TENM4: variants seen among roughly 807,000 people sequenced by gnomAD.
TENM4 encodes teneurin-4.
A neutral mutation model predicts 243.3 loss-of-function variants in TENM4; 82 were observed. The ratio of observed to expected loss-of-function variants is 0.34; its 90% CI spans 0.28 to 0.40. The LOEUF (loss-of-function observed/expected upper bound fraction) is 0.40, where lower values mean the gene tolerates loss of function less well. Among genes scored for constraint, TENM4 ranks in the 10% least tolerant of loss-of-function variants. TENM4 has a pLI of 1.00. For missense variants in TENM4, 3,138 were observed against 3,673.3 expected, an observed-to-expected ratio of 0.85 and a Z score of 3.77; for synonymous variants, 1,412 against 1,456.3, an observed-to-expected ratio of 0.97 and a Z score of 0.69.
chr11:79,192,081 G>A (rs1487750269), intron 3 of TENM4, among the ~76,000 whole-genome samples: 8 of 146,938 alleles, frequency 5.4e-5, no homozygotes, highest in African/African-American at 1.8e-4. Context: ...CGTCCCGTCC[G>A]GGAGGGAGGT....
At chr11:78,829,648 C>T (rs940952700) in intron 12 of TENM4, among the ~76,000 whole-genome samples, 9 of 152,190 alleles carry the variant, frequency 5.9e-5, no homozygotes, top group African/African-American at 1.9e-4. Flanking sequence ...TTGCTATCTC[C>T]TTTGTGACTT....
rs1383257541 is a variant in TENM4, at chr11:78,702,033, T to C, written c.4580A>G (p.Asp1527Gly). The part of the protein sequence containing the change: ...NDANCDCFSG[D>G]DGYAKDAKLN... ...CTTTGCATCCTTGGCATAACCATCG[T>C]CTCCAGAAAAACAATCACAGTTGGC... Residue 1527 changes from aspartate to glycine, a missense_variant, in exon 28 of 34, where the codon GAC (aspartate) becomes GGC (glycine). By Grantham distance (94) the Asp-to-Gly change is moderately conservative. This residue lies in a region of TENM4 where 2,467 missense variants were observed against 3,059.1 expected (regional missense o/e 0.81). Transcript: ENST00000278550. 3.1e-6 allele frequency: 5 copies of C among 1,613,626 alleles called. No individual in the cohort carries two copies. The highest frequency in any genetic ancestry group is 4.2e-6 in the Non-Finnish European group (5 of 1,179,760).
intron 2 of TENM4, among the ~76,000 whole-genome samples, chr11:79,255,764 T>C (rs937313089): frequency 6.6e-6 from 1 of 152,250 alleles, no homozygotes; most frequent in Non-Finnish European, 1.5e-5. Context: ...CTTTTGTCCC[T>C]AACACAATCT....
At chr11:79,224,945 C>G (rs1333979270) in intron 2 of TENM4, among the ~76,000 whole-genome samples, 2 of 150,878 alleles carry the variant, frequency 1.3e-5, no homozygotes, top group African/African-American at 2.4e-5. Flanking sequence ...GAGCCAGACT[C>G]TGTCTAAAAA....
intron 3 of TENM4, among the ~76,000 whole-genome samples, chr11:79,199,826 G>A (rs544660090): frequency 6.6e-6 from 1 of 152,306 alleles, no homozygotes; most frequent in East Asian, 1.9e-4. Flanking sequence ...CTGTGGTTGG[G>A]AGACATTCAA....
intron 6 of TENM4, among the ~76,000 whole-genome samples, chr11:78,915,120 GTTAA>G (rs1856285651): frequency 1.3e-5 from 2 of 152,320 alleles, no homozygotes; most frequent in Admixed American, 6.5e-5. Flanking sequence ...AGGTTAACAG[GTTAA>G]TTAGACACCA....
intron 12 of TENM4, among the ~76,000 whole-genome samples, chr11:78,851,359 G>A (rs1266461618): frequency 6.6e-6 from 1 of 152,140 alleles, no homozygotes; most frequent in African/African-American, 2.4e-5. Flanking sequence ...AGAACCAAAG[G>A]GAAAAGAAGA....
intron 4 of TENM4, among the ~76,000 whole-genome samples, chr11:79,117,964 G>T (rs10751303): frequency 6.6e-6 from 1 of 152,014 alleles, no homozygotes; most frequent in South Asian, 2.1e-4. Flanking sequence ...TTATGAAAAG[G>T]CTTGGCAAAT....
rs1859421525 is a variant in TENM4, at chr11:78,712,495, G to A, written c.4041C>T (p.Leu1347=). The change falls in exon 26 of 34, where the codon CTC becomes CTT. Residue 1347 remains leucine, a synonymous_variant. Coordinates refer to ENST00000278550, the MANE Select transcript of TENM4 (RefSeq NM_001098816.3). ...GDGGKATEAT[L]TNPRGITVDK... ...GCAAGGCCTTACCCCTGGGATTGGT[G>A]AGTGTGGCTTCTGTGGCCTTCCCAC... 5 of 1,613,826 alleles carry A rather than the reference G, an allele frequency of 3.1e-6. No homozygotes were observed. Among genetic ancestry groups the A allele is most frequent in the Non-Finnish European group, 4.2e-6 (5 of 1,179,832 alleles).
chr11:79,385,659 C>T (rs1039291115), intron 1 of TENM4, among the ~76,000 whole-genome samples: 5 of 152,138 alleles, frequency 3.3e-5, no homozygotes, highest in Non-Finnish European at 5.9e-5. Flanking sequence ...ATTTGCTTTA[C>T]TTTACAGCTA....
chr11:79,432,062 G>A (rs1859179799), intron 1 of TENM4, among the ~76,000 whole-genome samples: 1 of 152,180 alleles, frequency 6.6e-6, no homozygotes, highest in Non-Finnish European at 1.5e-5. Context: ...TAAATGATTA[G>A]TTTTGTTTCA....
rs746631389 is a variant in TENM4 at position 79,414,180 on chromosome 11, ACACG to A, written c.-321+26325_-321+26328del. On this transcript the variant is annotated intron_variant, in intron 1 of 33. Coordinates refer to ENST00000278550, the MANE Select transcript of TENM4 (RefSeq NM_001098816.3). ...TGTACACACACACACACACACACAC[ACACG>A]CACACAAACATGCACATGCACGCAC... Among the ~76,000 whole-genome samples, 42 of 142,516 alleles carry A rather than the reference ACACG, an allele frequency of 2.9e-4. 1 individual carries two copies. In the South Asian group the frequency reaches 7.8e-3, roughly 26 times the overall value. 93.5% of individuals were successfully genotyped at this position (142,516 alleles called of 152,430 possible).
chr11:79,333,470 T>G (rs1025966563), intron 1 of TENM4, among the ~76,000 whole-genome samples: 1 of 152,208 alleles, frequency 6.6e-6, no homozygotes, highest in African/African-American at 2.4e-5. Context: ...ACATCCCTAT[T>G]ACCCAGAATG....
chr11:78,887,873 G>T (rs945249488), intron 9 of TENM4, among the ~76,000 whole-genome samples: 6 of 152,198 alleles, frequency 3.9e-5, no homozygotes, highest in African/African-American at 1.4e-4. Context: ...AGACTTCAAC[G>T]CAAAACAAAT....
intron 4 of TENM4, among the ~76,000 whole-genome samples, chr11:79,089,516 A>G (rs67427445): frequency 0.25 from 37,518 of 152,130 alleles, 4,930 homozygotes; most frequent in East Asian, 0.43. Flanking sequence ...GGAAGTGCCC[A>G]GTCCTTACCT....
intron 6 of TENM4, among the ~76,000 whole-genome samples, chr11:78,933,354 G>C (rs1856713251): frequency 6.6e-6 from 1 of 152,214 alleles, no homozygotes; most frequent in Non-Finnish European, 1.5e-5. Flanking sequence ...CAACACACGT[G>C]AAGGAGTGGG....
At chr11:79,374,266 G>A (rs768398676) in intron 1 of TENM4, among the ~76,000 whole-genome samples, 1 of 151,998 alleles carries the variant, frequency 6.6e-6, no homozygotes, top group African/African-American at 2.4e-5. Context: ...AGCAATACCC[G>A]TACTTTTGCA....
rs960324637 is a variant in TENM4, at chr11:79,388,281, A to G, written c.-321+52228T>C. The stretch of plus-strand genomic sequence containing the variant: ...GAATGCAGTGGGATGCTGCATGCCA[A>G]TATAGCAACCATACTTTCTTTCCTT... On this transcript the variant is annotated intron_variant, in intron 1 of 33. Transcript: ENST00000278550. 3.3e-5 allele frequency among the ~76,000 whole-genome samples: 5 copies of G among 152,354 alleles called. No homozygotes were observed. The East Asian group carries it at 5.8e-4, about 18-fold the overall frequency.
At chr11:79,139,737 A>C (rs1387957705) in intron 4 of TENM4, among the ~76,000 whole-genome samples, 1 of 68,050 alleles carries the variant, frequency 1.5e-5, no homozygotes, top group African/African-American at 5.4e-5. Flanking sequence ...TATTATATTT[A>C]TATAAATATA....
Sources: gnomAD v4.1 joint callset for allele counts (sites outside exome capture counted in the v4.1 genomes callset) on GRCh38, gnomAD v4.1.1 for gene constraint, gnomAD v4.1.1 regional missense constraint, MANE v1.5 for transcripts, NCBI Gene and HGNC (gene_info 2026-07-23, HGNC 2026-07-21) for gene names.